ACVR1: variants seen among roughly 807,000 people sequenced by gnomAD.
ACVR1 encodes the protein activin receptor type-1.
A neutral mutation model predicts 57.1 loss-of-function variants in ACVR1; 38 were observed. The ratio of observed to expected loss-of-function variants is 0.67; its 90% CI spans 0.51 to 0.87. The LOEUF (loss-of-function observed/expected upper bound fraction) is 0.87. ACVR1 is among the 40% of genes least tolerant of loss of function. The pLI is 0.00. For synonymous variants in ACVR1, 212 were observed against 228.1 expected (o/e 0.93, Z 0.63); for missense variants, 463 against 638.2 (o/e 0.73, Z 2.96).
intron 9 of ACVR1, among the ~76,000 whole-genome samples, chr2:157,750,537 C>T (rs368328491): frequency 1.8e-4 from 27 of 152,314 alleles, no homozygotes; most frequent in African/African-American, 6.5e-4. Context: ...GGATACTACA[C>T]TAGTGAACAC....
intron 1 of ACVR1, among the ~76,000 whole-genome samples, chr2:157,855,252 T>TAA (rs1191166089): frequency 9.6e-6 from 1 of 104,242 alleles, no homozygotes; most frequent in Non-Finnish European, 1.9e-5. Flanking sequence ...CCTCGTCTCT[T>TAA]AAAAAAAAAA....
At chr2:157,872,940 C>T (rs1690159107) in intron 1 of ACVR1, among the ~76,000 whole-genome samples, 2 of 152,182 alleles carry the variant, frequency 1.3e-5, no homozygotes, top group Admixed American at 1.3e-4. Flanking sequence ...ACACACTCCA[C>T]ATAATCATTA....
chr2:157,772,733 T>C (rs1263728581), intron 6 of ACVR1, among the ~76,000 whole-genome samples: 1 of 152,196 alleles, frequency 6.6e-6, no homozygotes, highest in Non-Finnish European at 1.5e-5. Context: ...AGATACTAGT[T>C]AGTACAAGAG....
chr2:157,807,563 ATT>A (rs914195480), intron 2 of ACVR1, among the ~76,000 whole-genome samples: 2 of 140,976 alleles, frequency 1.4e-5, no homozygotes, highest in Non-Finnish European at 3.1e-5. Flanking sequence ...TGACTGGACC[ATT>A]TTTTTTTTTT....
intron 1 of ACVR1, among the ~76,000 whole-genome samples, chr2:157,853,119 C>T (rs1200642677): frequency 3.9e-5 from 6 of 152,184 alleles, no homozygotes; most frequent in African/African-American, 7.2e-5. Flanking sequence ...TTGCTACTTA[C>T]TTGAATTACT....
chr2:157,755,549 A>G (rs186792207), intron 9 of ACVR1, among the ~76,000 whole-genome samples: 2,574 of 150,556 alleles, frequency 0.017, 69 homozygotes, highest in African/African-American at 0.056. Context: ...ATACCATACC[A>G]TACCATACCA....
intron 1 of ACVR1, among the ~76,000 whole-genome samples, chr2:157,853,449 A>G (rs1689396217): frequency 1.3e-5 from 2 of 152,156 alleles, no homozygotes; most frequent in East Asian, 3.8e-4. Context: ...ACCTAAAGCT[A>G]ATTACCTCCC....
chr2:157,778,492 T>C, intron 4 of ACVR1, 150 bp from the exon 5 acceptor site: 1 of 667,226 alleles, frequency 1.5e-6, no homozygotes, highest in Admixed American at 2.5e-5. Flanking sequence ...TCCTAATGCC[T>C]GGCCAATGGC....
In ACVR1 at chr2:157,804,281, T is replaced by C. The variant is rs1687438600; in HGVS notation, c.-7-4781A>G. On this transcript the variant is annotated intron_variant, in intron 2 of 10. Transcript: ENST00000434821. ...GCACTTAGCGGATACCTGACAAAAA[T>C]GACACTGTTCTACAGTTTTAGAAAT... Among the ~76,000 whole-genome samples, 4 of 152,202 alleles carry C rather than the reference T, an allele frequency of 2.6e-5. No individual in the cohort carries two copies. In the South Asian group the frequency reaches 8.3e-4, roughly 31 times the overall value.
chr2:157,849,974 TA>T (rs1348141561), intron 1 of ACVR1, among the ~76,000 whole-genome samples: 2 of 152,174 alleles, frequency 1.3e-5, no homozygotes, highest in African/African-American at 4.8e-5. Context: ...TAGAGAATCT[TA>T]AAAGATGCGA....
intron 2 of ACVR1, among the ~76,000 whole-genome samples, chr2:157,807,183 G>A (rs769988247): frequency 3.3e-5 from 5 of 152,154 alleles, no homozygotes; most frequent in Non-Finnish European, 7.4e-5. Context: ...GAAAGGAAGT[G>A]AAAGGTCTAG....
chr2:157,849,568 C>G (rs1302990300), intron 1 of ACVR1, among the ~76,000 whole-genome samples: 2 of 152,224 alleles, frequency 1.3e-5, no homozygotes, highest in Non-Finnish European at 2.9e-5. Flanking sequence ...CAGTACTACA[C>G]AGAATCACGC....
chr2:157,850,729 G>A (rs189614115), intron 1 of ACVR1, among the ~76,000 whole-genome samples: 2 of 152,286 alleles, frequency 1.3e-5, no homozygotes, highest in East Asian at 3.9e-4. Flanking sequence ...GGCCAAGGCA[G>A]GCGGATCACT....
intron 1 of ACVR1, among the ~76,000 whole-genome samples, chr2:157,867,643 T>C (rs971734563): frequency 1.3e-5 from 2 of 151,162 alleles, no homozygotes; most frequent in Non-Finnish European, 2.9e-5. Flanking sequence ...TTTTTTTTTA[T>C]GAAAATGTCC....
rs966289752 is a variant in ACVR1, at chr2:157,778,058, T to C, written c.543+73A>G. On this transcript the variant is annotated intron_variant, in intron 5 of 10. Coordinates refer to ENST00000434821, the MANE Select transcript of ACVR1 (RefSeq NM_001111067.4). ...CAGTCACTCATTACTGGTTAGCGTT[T>C]CATGCTCGAAATAAGAACGTGTCTC... 8 of 1,519,696 alleles carry C rather than the reference T, an allele frequency of 5.3e-6. No individual in the cohort carries two copies. The African/African-American group carries it at 1.1e-4, about 21-fold the overall frequency. 94.1% of individuals were successfully genotyped at this position (1,519,696 alleles called of 1,614,324 possible).
chr2:157,872,322 A>G (rs1251470420), intron 1 of ACVR1, among the ~76,000 whole-genome samples: 1 of 152,228 alleles, frequency 6.6e-6, no homozygotes, highest in Non-Finnish European at 1.5e-5. Flanking sequence ...TTTAACTTAA[A>G]TACTGCTTCC....
rs1251621650 is a variant in ACVR1, at chr2:157,736,518, GTTAT to G, written c.*1009_*1012del. ...ACAAAAAGTAGATTAAAACAAAATA[GTTAT>G]TTTTTTCTGGCAGAGTTTAAATGCA... On this transcript the variant is annotated 3_prime_UTR_variant, in exon 11 of 11. Coordinates refer to ENST00000434821, the MANE Select transcript of ACVR1 (RefSeq NM_001111067.4). The G allele has an allele frequency of 4.2e-6, 1 of 240,296 alleles. No individual in the cohort carries two copies. The highest frequency in any genetic ancestry group is 7.7e-5 in the East Asian group (1 of 13,008). The allele number at this position is 240,296 out of a possible 1,614,324, so 14.9% of individuals were successfully genotyped here. A position where few individuals can be genotyped will look rare whatever the true frequency, so the allele number is the denominator to read the frequency against.
intron 9 of ACVR1, among the ~76,000 whole-genome samples, chr2:157,756,296 A>C (rs1406921890): frequency 6.6e-6 from 1 of 152,184 alleles, no homozygotes; most frequent in Admixed American, 6.5e-5. Flanking sequence ...AAGCAATAAA[A>C]GCGAAGATAA....
chr2:157,795,628 G>A (rs1311703633), intron 3 of ACVR1, among the ~76,000 whole-genome samples: 2 of 151,864 alleles, frequency 1.3e-5, no homozygotes, highest in Non-Finnish European at 2.9e-5. Context: ...AAAACCTTAA[G>A]GGTCGATCTA....
Sources: gnomAD v4.1 joint callset for allele counts (sites outside exome capture counted in the v4.1 genomes callset) on GRCh38, gnomAD v4.1.1 for gene constraint, MANE v1.5 for transcripts, NCBI Gene and HGNC (gene_info 2026-07-23, HGNC 2026-07-21) for gene names.